Variants in PLAGL1 observed in about 807,000 individuals in gnomAD.
PLAGL1 encodes the protein PLAG1 like zinc finger 1.
In PLAGL1, 1 loss-of-function variant was observed where a neutral mutation model predicts 4.6. That is an observed-to-expected ratio of 0.22 (90% CI 0.08 to 1.03). The LOEUF (loss-of-function observed/expected upper bound fraction) is 1.03. PLAGL1 is among the 50% of genes least tolerant of loss of function. The probability of loss-of-function intolerance (pLI) is 0.58; values close to 1 mark genes in which losing one functional copy is unlikely to be tolerated. For synonymous variants in PLAGL1, 240 were observed against 237.8 expected (o/e 1.01, Z -0.08); for missense variants, 464 against 570.4 (o/e 0.81, Z 1.90).
In PLAGL1 at chr6:143,942,625, C is replaced by T. The variant is rs1318490613; in HGVS notation, c.191G>A (p.Cys64Tyr). 6.2e-7 allele frequency: 1 copy of T among 1,613,712 alleles called. No homozygotes were observed. The highest frequency in any genetic ancestry group is 8.5e-7 in the Non-Finnish European group (1 of 1,179,822). ...ATHSPQKSHQ[C>Y]AHCEKTFNRK... ...GTTGAACGTCTTCTCACAGTGAGCACACTGGTGAGATTTCTGGGGAGAATG... is the reference window on the plus strand; with the variant it reads ...GTTGAACGTCTTCTCACAGTGAGCATACTGGTGAGATTTCTGGGGAGAATG... Residue 64 changes from cysteine to tyrosine, a missense_variant, in exon 8 of 8, where the codon TGT (cysteine) becomes TAT (tyrosine). Transcript: ENST00000674357. The surrounding 1 kb of genome is among the most constrained non-coding windows in gnomAD (Gnocchi z 7.6).
intron 1 of PLAGL1, among the ~76,000 whole-genome samples, chr6:143,998,847 T>C (rs1792231182): frequency 6.6e-6 from 1 of 152,114 alleles, no homozygotes; most frequent in Non-Finnish European, 1.5e-5. Context: ...GTGAAACCTT[T>C]AGGGGCTGAT....
At position 143,997,636 on chromosome 6, in the gene PLAGL1, T is replaced by C. The variant is rs1463386879; in HGVS notation, c.-584+10454A>G. 6.6e-6 allele frequency among the ~76,000 whole-genome samples: 1 copy of C among 152,100 alleles called. No homozygotes were observed. The highest frequency in any genetic ancestry group is 2.4e-5 in the African/African-American group (1 of 41,426). ...GAGGCTGCTGTGAACTGTCATCCTG[T>C]CATCATGCAATCACACTCCAGCCTG... On this transcript the variant is annotated intron_variant, in intron 1 of 7. Transcript: ENST00000674357. The surrounding 1 kb of genome is among the most constrained non-coding windows in gnomAD (Gnocchi z 4.6).
rs1303483575 is a variant in PLAGL1, at chr6:143,997,082, C to G, written c.-584+11008G>C. 6.6e-6 allele frequency among the ~76,000 whole-genome samples: 1 copy of G among 152,174 alleles called. No individual in the cohort carries two copies. Among genetic ancestry groups the G allele is most frequent in the East Asian group, 1.9e-4 (1 of 5,198 alleles). On this transcript the variant is annotated intron_variant, in intron 1 of 7. Transcript: ENST00000674357. The surrounding 1 kb of genome is among the most constrained non-coding windows in gnomAD (Gnocchi z 4.6). ...AAGTCATGAAATCATCAAGGAAATGCACATGAAAACCATGAGACCATGAAG... is the reference window on the plus strand; with the variant it reads ...AAGTCATGAAATCATCAAGGAAATGGACATGAAAACCATGAGACCATGAAG...
Position 143,997,860 on chromosome 6 carries a change from ATG to A in PLAGL1, c.-584+10228_-584+10229del, listed in dbSNP as rs888862579. On this transcript the variant is annotated intron_variant, in intron 1 of 7. Coordinates refer to ENST00000674357, the MANE Select transcript of PLAGL1 (RefSeq NM_001317162.2). This position sits in a 1 kb window ranked among gnomAD's most constrained non-coding sequence, Gnocchi z 4.6. ...TGAATGTGGTTACACAGGTGTGCGT[ATG>A]TGTGTGTGTGTATAAACTCATCAAG... Among the ~76,000 whole-genome samples the A allele has an allele frequency of 1.3e-5, 2 of 151,898 alleles. No individual in the cohort carries two copies. Among genetic ancestry groups the A allele is most frequent in the African/African-American group, 4.8e-5 (2 of 41,344 alleles).
chr6:144,020,929 A>G (rs1795937644), intron 1 of PLAGL1, among the ~76,000 whole-genome samples: 1 of 147,952 alleles, frequency 6.8e-6, no homozygotes, highest in East Asian at 1.9e-4. Context: ...AACTATAGAT[A>G]TAAAATACAT....
At chr6:144,018,909 C>T (rs1393942706) in intron 1 of PLAGL1, among the ~76,000 whole-genome samples, 2 of 152,126 alleles carry the variant, frequency 1.3e-5, no homozygotes, top group East Asian at 3.9e-4. Flanking sequence ...TGGCTCATGC[C>T]TGTAATGCCA....
chr6:144,025,857 C>T (rs1338888664), intron 1 of PLAGL1, among the ~76,000 whole-genome samples: 2 of 152,182 alleles, frequency 1.3e-5, no homozygotes, highest in Non-Finnish European at 1.5e-5. Flanking sequence ...CATACCATTG[C>T]ACTCCAGCCT....
At chr6:144,025,976 A>G (rs1381686050) in intron 1 of PLAGL1, among the ~76,000 whole-genome samples, 2 of 152,210 alleles carry the variant, frequency 1.3e-5, no homozygotes, top group Non-Finnish European at 2.9e-5. Flanking sequence ...GAATACTGCC[A>G]CATATATAAC....
rs1251445139 is a variant in PLAGL1 at position 144,020,804 on chromosome 6, ATATATATT to A, written c.-151+43656_-151+43663del. Among the ~76,000 whole-genome samples, 9 of 146,002 alleles carry A rather than the reference ATATATATT, an allele frequency of 6.2e-5. No individual in the cohort carries two copies. In the South Asian group the frequency reaches 6.3e-4, roughly 10 times the overall value. ...ATATATATAAAACAAACATATAACT[ATATATATT>A]TATATATTATATTATATATAATATA... On this transcript the variant is annotated intron_variant, in intron 1 of 3. Transcript: ENST00000437412.
In PLAGL1 at chr6:143,994,979, T is replaced by C. The variant is rs1002883660; in HGVS notation, c.-583-9805A>G. Among the ~76,000 whole-genome samples the C allele has an allele frequency of 6.6e-6, 1 of 152,184 alleles. No homozygotes were observed. The highest frequency in any genetic ancestry group is 1.5e-5 in the Non-Finnish European group (1 of 68,020). ...CTTGTCATCATCTAATGGGAACAATTAAGAGACAATAAGATAGAACCATCA... is the reference window on the plus strand; with the variant it reads ...CTTGTCATCATCTAATGGGAACAATCAAGAGACAATAAGATAGAACCATCA... On this transcript the variant is annotated intron_variant, in intron 1 of 7. Coordinates refer to ENST00000674357, the MANE Select transcript of PLAGL1 (RefSeq NM_001317162.2). The surrounding 1 kb of genome is among the most constrained non-coding windows in gnomAD (Gnocchi z 4.3).
rs1246711836 is a variant in PLAGL1 at position 144,022,502 on chromosome 6, T to TA, written c.-151+41965dup. On this transcript the variant is annotated intron_variant, in intron 1 of 3. Transcript: ENST00000437412. This position sits in a 1 kb window ranked among gnomAD's most constrained non-coding sequence, Gnocchi z 4.2. Reference sequence around the variant, plus strand: ...TTTATTACAAAGCTAAACATAGTGATATGGTTTGGCTATTTCCCTACCCAA... The same window carrying TA: ...TTTATTACAAAGCTAAACATAGTGATAATGGTTTGGCTATTTCCCTACCCAA... Among the ~76,000 whole-genome samples the TA allele has an allele frequency of 1.3e-5, 2 of 152,256 alleles. No individual in the cohort carries two copies. The highest frequency in any genetic ancestry group is 2.9e-5 in the Non-Finnish European group (2 of 68,046).
chr6:144,012,044 AG>A (rs1795226728), upstream of PLAGL1, among the ~76,000 whole-genome samples: 1 of 152,114 alleles, frequency 6.6e-6, no homozygotes, highest in African/African-American at 2.4e-5. The surrounding 1 kb of genome is among the most constrained non-coding windows in gnomAD (Gnocchi z 4.8). Flanking sequence ...CGGTGGGTGG[AG>A]GGCTGGGCAG....
In PLAGL1 at chr6:143,942,058, G is replaced by T; in HGVS notation, c.758C>A (p.Ala253Glu). The T allele has an allele frequency of 6.2e-7, 1 of 1,611,312 alleles. No individual in the cohort carries two copies. Among genetic ancestry groups the T allele is most frequent in the Non-Finnish European group, 8.5e-7 (1 of 1,178,490 alleles). The stretch of plus-strand genomic sequence containing the variant: ...ATGGACCTCAGCTGGCAAGCTACTT[G>T]CAAGCCCGTTCTGGGCAGAAGCTCC... The part of the protein sequence containing the change: ...PLGASAQNGL[A>E]SSLPAEVHSL... Residue 253 changes from alanine to glutamate, a missense_variant, in exon 8 of 8, where the codon GCA becomes GAA. This residue lies in a region of PLAGL1 where 248 missense variants were observed against 250.1 expected (regional missense o/e 0.99). Transcript: ENST00000674357. This position sits in a 1 kb window ranked among gnomAD's most constrained non-coding sequence, Gnocchi z 7.6.
rs1164635864 is a variant in PLAGL1 at position 143,973,926 on chromosome 6, C to T, written c.-543-4948G>A. 6.6e-6 allele frequency among the ~76,000 whole-genome samples: 1 copy of T among 152,172 alleles called. No homozygotes were observed. Among genetic ancestry groups the T allele is most frequent in the Non-Finnish European group, 1.5e-5 (1 of 68,022 alleles). On this transcript the variant is annotated intron_variant, in intron 2 of 7. Coordinates refer to ENST00000674357, the MANE Select transcript of PLAGL1 (RefSeq NM_001317162.2). This position sits in a 1 kb window ranked among gnomAD's most constrained non-coding sequence, Gnocchi z 6.2. ...GTTTGCATAAATTCTGTTTGTACAACAAAAGTGTGAACAGAGATATAACAG... is the reference window on the plus strand; with the variant it reads ...GTTTGCATAAATTCTGTTTGTACAATAAAAGTGTGAACAGAGATATAACAG...
intron 1 of PLAGL1, among the ~76,000 whole-genome samples, chr6:144,019,754 T>C (rs1016980320): frequency 2.0e-5 from 3 of 149,264 alleles, no homozygotes; most frequent in African/African-American, 7.4e-5. Flanking sequence ...TCCAGCTTTT[T>C]GTTTTGAAAA....
At chr6:144,012,972 C>G (rs1795292916), upstream of PLAGL1, among the ~76,000 whole-genome samples, 1 of 152,204 alleles carries the variant, frequency 6.6e-6, no homozygotes, top group Non-Finnish European at 1.5e-5. This position sits in a 1 kb window ranked among gnomAD's most constrained non-coding sequence, Gnocchi z 4.8. Context: ...AGTATGCTAT[C>G]TAACATTTTA....
At chr6:144,062,079 A>G (rs931928347) in intron 1 of PLAGL1, among the ~76,000 whole-genome samples, 1 of 152,194 alleles carries the variant, frequency 6.6e-6, no homozygotes, top group Non-Finnish European at 1.5e-5. Flanking sequence ...TAGCAAACTT[A>G]AAAAACAGAC....
At position 143,982,692 on chromosome 6, in the gene PLAGL1, G is replaced by T. The variant is rs1228390146; in HGVS notation, c.-544+2443C>A. ...ACCTTCTGGATTTATGGAAGGTGGG[G>T]CTGACAGTATCTCCTGACAGCTGAA... On this transcript the variant is annotated intron_variant, in intron 2 of 7. Coordinates refer to ENST00000674357, the MANE Select transcript of PLAGL1 (RefSeq NM_001317162.2). The surrounding 1 kb of genome is among the most constrained non-coding windows in gnomAD (Gnocchi z 5.3). Among the ~76,000 whole-genome samples the T allele has an allele frequency of 6.6e-6, 1 of 152,130 alleles. No homozygotes were observed. Among genetic ancestry groups the T allele is most frequent in the Non-Finnish European group, 1.5e-5 (1 of 68,012 alleles).
intron 1 of PLAGL1, among the ~76,000 whole-genome samples, chr6:144,051,459 T>G (rs1798579473): frequency 6.6e-6 from 1 of 152,228 alleles, no homozygotes; most frequent in African/African-American, 2.4e-5. Context: ...GACAATCATT[T>G]ACTCCTGTTT....
Sources: allele counts gnomAD v4.1 joint callset (sites outside exome capture counted in the v4.1 genomes callset), GRCh38; gene constraint gnomAD v4.1.1; regional missense constraint gnomAD v4.1.1; non-coding constraint Gnocchi (gnomAD v3.1); transcripts MANE v1.5; gene names NCBI Gene and HGNC (gene_info 2026-07-23, HGNC 2026-07-21).